The following TMEM74 variants were observed in gnomAD, a reference collection of about 807,000 sequenced individuals.
The protein encoded by TMEM74 is transmembrane protein 74.
TMEM74 carries 13 observed loss-of-function variants against 18.1 expected under a neutral mutation model. That is an observed-to-expected ratio of 0.72 (90% CI 0.47 to 1.14). The LOEUF is 1.14. Among genes scored for constraint, TMEM74 ranks in the 50% most tolerant of loss-of-function variants. TMEM74 has a pLI of 0.00. For missense variants in TMEM74, 372 were observed against 375.9 expected, an observed-to-expected ratio of 0.99 and a Z score of 0.09; for synonymous variants, 159 against 146.6, an observed-to-expected ratio of 1.08 and a Z score of -0.61.
intron 1 of TMEM74, among the ~76,000 whole-genome samples, chr8:108,763,384 C>T (rs1814067469): frequency 1.3e-5 from 2 of 151,994 alleles, no homozygotes; most frequent in Admixed American, 6.6e-5. Context: ...TGAGATTTAG[C>T]CATATAAACA....
At chr8:108,727,979 G>C (rs1240061890) in intron 1 of TMEM74, among the ~76,000 whole-genome samples, 1 of 152,170 alleles carries the variant, frequency 6.6e-6, no homozygotes, top group Non-Finnish European at 1.5e-5. Flanking sequence ...AGTAAGGTGA[G>C]GACTGAGATT....
intron 1 of TMEM74, among the ~76,000 whole-genome samples, chr8:108,692,698 C>G (rs775117714): frequency 2.0e-5 from 3 of 152,042 alleles, no homozygotes; most frequent in South Asian, 2.1e-4. Flanking sequence ...TGCAAAAAAC[C>G]CCCAACCAAT....
downstream of TMEM74, among the ~76,000 whole-genome samples, chr8:108,774,909 T>C (rs1468996681): frequency 6.6e-6 from 1 of 151,980 alleles, no homozygotes; most frequent in East Asian, 1.9e-4. Context: ...AGTCTATCCT[T>C]TCTTACACAC....
Position 108,617,254 on chromosome 8 carries a change from G to T in TMEM74, n.265-8428C>A, listed in dbSNP as rs990190762. 3.3e-5 allele frequency among the ~76,000 whole-genome samples: 5 copies of T among 152,086 alleles called. No individual in the cohort carries two copies. In the East Asian group the frequency reaches 9.7e-4, roughly 30 times the overall value. On this transcript the variant is annotated intron_variant and non_coding_transcript_variant, in intron 2 of 3. Transcript: ENST00000518838. ...TGAGGTTTACTCTTTTCCTTAGTTT[G>T]GTCCTTTGGTTTCATGAAGCTTAAT...
At position 108,652,554 on chromosome 8, in the gene TMEM74, G is replaced by T. The variant is rs570080529; in HGVS notation, n.264+2739C>A. Reference sequence around the variant, plus strand: ...ATGGTGCTCATTCTCAAACAATTTGGTTTTCTGGGTATCATAAGAAAAATA... The same window carrying T: ...ATGGTGCTCATTCTCAAACAATTTGTTTTTCTGGGTATCATAAGAAAAATA... On this transcript the variant is annotated intron_variant and non_coding_transcript_variant, in intron 2 of 3. Coordinates refer to the TMEM74 transcript ENST00000518838. The T allele has an allele frequency of 1.5e-4, 85 of 562,344 alleles. 1 individual carries two copies. The African/African-American group carries it at 1.5e-3, about 10-fold the overall frequency. The allele number at this position is 562,344 out of a possible 1,614,324, so 34.8% of individuals were successfully genotyped here.
At chr8:108,774,209 C>T (rs904947575), downstream of TMEM74, among the ~76,000 whole-genome samples, 3 of 152,152 alleles carry the variant, frequency 2.0e-5, no homozygotes, top group Non-Finnish European at 4.4e-5. Context: ...TGTTCAAACC[C>T]ATTTCTTCTT....
At chr8:108,681,299 G>A (rs1047609772) in intron 1 of TMEM74, among the ~76,000 whole-genome samples, 3 of 152,116 alleles carry the variant, frequency 2.0e-5, no homozygotes, top group African/African-American at 7.2e-5. Flanking sequence ...AAACAGCATG[G>A]TACTGGTACC....
intron 2 of TMEM74, among the ~76,000 whole-genome samples, chr8:108,610,567 G>A (rs546923683): frequency 6.6e-6 from 1 of 152,282 alleles, no homozygotes; most frequent in East Asian, 1.9e-4. Context: ...GAGAGAAAAG[G>A]CCTAGTTGAG....
At chr8:108,760,731 G>A (rs1814034227) in intron 1 of TMEM74, among the ~76,000 whole-genome samples, 4 of 152,050 alleles carry the variant, frequency 2.6e-5, no homozygotes, top group Admixed American at 2.0e-4. Context: ...AGCCAAGGGT[G>A]TCATTACCTG....
downstream of TMEM74, among the ~76,000 whole-genome samples, chr8:108,776,274 C>A (rs1200455741): frequency 2.0e-5 from 3 of 152,350 alleles, no homozygotes; most frequent in East Asian, 5.8e-4. Context: ...AGGCAGATCA[C>A]TTGAGGTAAG....
intron 1 of TMEM74, among the ~76,000 whole-genome samples, chr8:108,737,311 C>T (rs185563977): frequency 6.6e-6 from 1 of 152,176 alleles, no homozygotes; most frequent in East Asian, 1.9e-4. Context: ...CTTCTTGTTC[C>T]TTTATTTCCT....
At chr8:108,679,910 C>G (rs1813094917) in intron 1 of TMEM74, among the ~76,000 whole-genome samples, 2 of 151,398 alleles carry the variant, frequency 1.3e-5, no homozygotes, top group African/African-American at 4.9e-5. Context: ...CTAAAAACAC[C>G]TCTGCACAAA....
chr8:108,646,246 A>G (rs1325887522), intron 2 of TMEM74, among the ~76,000 whole-genome samples: 1 of 152,120 alleles, frequency 6.6e-6, no homozygotes, highest in Non-Finnish European at 1.5e-5. Context: ...ATATTTTAAG[A>G]AAGTCAGTGT....
intron 1 of TMEM74, among the ~76,000 whole-genome samples, chr8:108,708,337 C>T (rs954297110): frequency 3.3e-5 from 5 of 151,024 alleles, no homozygotes; most frequent in East Asian, 3.9e-4. Context: ...AGTGCTGCAA[C>T]GAACATACAC....
chr8:108,657,458 T>C (rs898461314), intron 1 of TMEM74, among the ~76,000 whole-genome samples: 5 of 152,092 alleles, frequency 3.3e-5, no homozygotes, highest in African/African-American at 1.2e-4. Flanking sequence ...ATGCTGGATC[T>C]TGGGTTTGTA....
intron 1 of TMEM74, among the ~76,000 whole-genome samples, chr8:108,769,686 A>G (rs917139304): frequency 6.6e-6 from 1 of 152,032 alleles, no homozygotes; most frequent in Non-Finnish European, 1.5e-5. Context: ...CCTTTACCAC[A>G]CACAGATTAT....
chr8:108,680,040 T>G (rs1190722160), intron 1 of TMEM74, among the ~76,000 whole-genome samples: 4 of 152,194 alleles, frequency 2.6e-5, no homozygotes, highest in African/African-American at 9.7e-5. Flanking sequence ...ATTGTGGCAA[T>G]AATCAATAGC....
At chr8:108,732,739 C>T (rs1392090132) in intron 1 of TMEM74, among the ~76,000 whole-genome samples, 1 of 150,470 alleles carries the variant, frequency 6.6e-6, no homozygotes, top group African/African-American at 2.4e-5. Flanking sequence ...TGATCATGGG[C>T]CTATAAGGAA....
chr8:108,665,933 A>G (rs1209847809), intron 1 of TMEM74, among the ~76,000 whole-genome samples: 1 of 152,204 alleles, frequency 6.6e-6, no homozygotes, highest in Non-Finnish European at 1.5e-5. Context: ...CTAAGAATAT[A>G]TCATTCAATT....
Sources: gnomAD v4.1 joint callset for allele counts (sites outside exome capture counted in the v4.1 genomes callset) on GRCh38, gnomAD v4.1.1 for gene constraint, MANE v1.5 for transcripts, NCBI Gene and HGNC (gene_info 2026-07-23, HGNC 2026-07-21) for gene names.